Variants in PTK2B observed in about 807,000 individuals in gnomAD.
PTK2B encodes protein tyrosine kinase 2 beta.
PTK2B carries 71 observed loss-of-function variants against 142.9 expected under a neutral mutation model. The ratio of observed to expected loss-of-function variants is 0.50; its 90% CI spans 0.41 to 0.61. The LOEUF (loss-of-function observed/expected upper bound fraction) is 0.61, where lower values mean the gene tolerates loss of function less well. PTK2B is among the 20% of genes least tolerant of loss of function. The pLI is 0.00. For missense variants in PTK2B, 1,105 were observed against 1,320.4 expected, an observed-to-expected ratio of 0.84 and a Z score of 2.53; for synonymous variants, 519 against 503.4, an observed-to-expected ratio of 1.03 and a Z score of -0.42.
chr8:27,353,640 G>A (rs114338386), intron 1 of PTK2B, among the ~76,000 whole-genome samples: 2,498 of 152,298 alleles, frequency 0.016, 72 homozygotes, highest in African/African-American at 0.056. Context: ...GACAGCACTT[G>A]AACAGATGAG....
chr8:27,378,979 G>A (rs1355602624), intron 1 of PTK2B, among the ~76,000 whole-genome samples: 1 of 152,172 alleles, frequency 6.6e-6, no homozygotes, highest in Admixed American at 6.5e-5. Flanking sequence ...GCCAAACATA[G>A]ACTCACATCC....
chr8:27,412,339 A>G (rs1423511133), intron 2 of PTK2B, among the ~76,000 whole-genome samples: 2 of 152,176 alleles, frequency 1.3e-5, no homozygotes, highest in Admixed American at 6.5e-5. Context: ...GGGACCCACC[A>G]TGAATCACCT....
At chr8:27,449,818 T>C (rs1811694229) in intron 24 of PTK2B, among the ~76,000 whole-genome samples, 1 of 152,248 alleles carries the variant, frequency 6.6e-6, no homozygotes, top group East Asian at 1.9e-4. Flanking sequence ...AACTAGCAGC[T>C]AAAATTATGA....
intron 1 of PTK2B, among the ~76,000 whole-genome samples, chr8:27,384,608 G>T (rs1286374278): frequency 6.6e-6 from 1 of 152,204 alleles, no homozygotes; most frequent in Non-Finnish European, 1.5e-5. Context: ...GTGTGGAGAT[G>T]AATATGCTAA....
upstream of PTK2B, chr8:27,310,756 G>C: frequency 6.5e-7 from 1 of 1,531,780 alleles, no homozygotes; most frequent in Non-Finnish European, 8.8e-7. Context: ...GGGATTCCGG[G>C]TTCCAGACCC....
chr8:27,342,128 C>T (rs1352916403), intron 1 of PTK2B, among the ~76,000 whole-genome samples: 1 of 152,148 alleles, frequency 6.6e-6, no homozygotes, highest in South Asian at 2.1e-4. Flanking sequence ...GGAGGTCCCC[C>T]ACAGGGATGT....
At chr8:27,390,762 G>A (rs959365734) in intron 1 of PTK2B, among the ~76,000 whole-genome samples, 1 of 152,182 alleles carries the variant, frequency 6.6e-6, no homozygotes, top group Non-Finnish European at 1.5e-5. Flanking sequence ...CAAGGAGTTT[G>A]CAGAAGTAAT....
At chr8:27,338,671 G>T (rs1447086098) in intron 1 of PTK2B, among the ~76,000 whole-genome samples, 2 of 152,144 alleles carry the variant, frequency 1.3e-5, no homozygotes, top group Admixed American at 6.5e-5. Flanking sequence ...TGATTGATTG[G>T]AGTGCTAATA....
intron 11 of PTK2B, among the ~76,000 whole-genome samples, 177 bp downstream of exon 11, chr8:27,433,729 A>G (rs1166242872): frequency 6.6e-6 from 1 of 152,154 alleles, no homozygotes; most frequent in East Asian, 1.9e-4. Flanking sequence ...TGGCCGGTCC[A>G]CCTACCCACA....
intron 5 of PTK2B, among the ~76,000 whole-genome samples, chr8:27,427,331 C>T (rs1810147418): frequency 6.6e-6 from 1 of 152,130 alleles, no homozygotes; most frequent in Admixed American, 6.5e-5. Context: ...ATCCCTCCAG[C>T]CCCCTTTGCA....
chr8:27,422,889 G>A (rs1016525857), intron 5 of PTK2B, among the ~76,000 whole-genome samples: 3 of 152,146 alleles, frequency 2.0e-5, no homozygotes, highest in African/African-American at 7.2e-5. Context: ...ATAATACGAG[G>A]CAGAATGAGG....
intron 1 of PTK2B, among the ~76,000 whole-genome samples, chr8:27,347,916 C>T (rs890057499): frequency 6.6e-6 from 1 of 152,224 alleles, no homozygotes; most frequent in Admixed American, 6.5e-5. Context: ...TTCCAAGAAG[C>T]TCTCATGCCA....
At chr8:27,446,270 T>C (rs1811464376) in intron 24 of PTK2B, among the ~76,000 whole-genome samples, 1 of 152,204 alleles carries the variant, frequency 6.6e-6, no homozygotes, top group African/African-American at 2.4e-5. Context: ...CACAGCTTAG[T>C]GGTGCTGGAG....
At position 27,399,193 on chromosome 8, in the gene PTK2B, C is replaced by T. The variant is rs147930586; in HGVS notation, c.204+1405C>T. On this transcript the variant is annotated intron_variant, in intron 2 of 30. Coordinates refer to ENST00000346049, the MANE Select transcript of PTK2B (RefSeq NM_173176.3). Reference sequence around the variant, plus strand: ...TGATTTCCAAGTTTAGGGAGGAGCACCTCATTGTTCTTTTGTGCTGAAAAA... The same window carrying T: ...TGATTTCCAAGTTTAGGGAGGAGCATCTCATTGTTCTTTTGTGCTGAAAAA... 5.4e-3 allele frequency among the ~76,000 whole-genome samples: 821 copies of T among 152,302 alleles called. 5 individuals are homozygous for T. Among genetic ancestry groups the T allele is most frequent in the African/African-American group, 0.019 (770 of 41,552 alleles).
At chr8:27,370,559 G>C (rs17057055) in intron 1 of PTK2B, among the ~76,000 whole-genome samples, 3 of 152,112 alleles carry the variant, frequency 2.0e-5, no homozygotes, top group Non-Finnish European at 2.9e-5. Flanking sequence ...TTTCCCTTTT[G>C]TAAAATATGC....
Position 27,407,476 on chromosome 8 carries a change from T to C in PTK2B, c.204+9688T>C, listed in dbSNP as rs992922490. Among the ~76,000 whole-genome samples, 8 of 152,342 alleles carry C rather than the reference T, an allele frequency of 5.3e-5. No individual in the cohort carries two copies. The East Asian group carries it at 1.5e-3, about 29-fold the overall frequency. Reference sequence around the variant, plus strand: ...TGACCTGATCATCCTATGAGGCTCCTTGACTGCACTTCACCCACCTGCTGC... The same window carrying C: ...TGACCTGATCATCCTATGAGGCTCCCTGACTGCACTTCACCCACCTGCTGC... On this transcript the variant is annotated intron_variant, in intron 2 of 30. Transcript: ENST00000346049.
upstream of PTK2B, among the ~76,000 whole-genome samples, chr8:27,321,353 G>C (rs140437819): frequency 4.5e-3 from 685 of 152,122 alleles, 6 homozygotes; most frequent in East Asian, 0.036. Flanking sequence ...TTGTGTGCAC[G>C]GTCAGAGACC....
At chr8:27,345,865 G>A (rs1804681219) in intron 1 of PTK2B, among the ~76,000 whole-genome samples, 1 of 152,178 alleles carries the variant, frequency 6.6e-6, no homozygotes. Context: ...TCATGATCCT[G>A]GAGGCCACAG....
At chr8:27,328,072 C>T (rs1803526466) in intron 1 of PTK2B, among the ~76,000 whole-genome samples, 2 of 152,208 alleles carry the variant, frequency 1.3e-5, no homozygotes, top group South Asian at 4.1e-4. Flanking sequence ...GGGTTGGGGA[C>T]AGAGTCTGCA....
Sources: gnomAD v4.1 joint callset for allele counts (sites outside exome capture counted in the v4.1 genomes callset) on GRCh38, gnomAD v4.1.1 for gene constraint, MANE v1.5 for transcripts, NCBI Gene and HGNC (gene_info 2026-07-23, HGNC 2026-07-21) for gene names.